The following GJA5 variants were observed in gnomAD, a reference collection of about 807,000 sequenced individuals.
GJA5 encodes gap junction alpha-5 protein.
GJA5 carries 3 observed loss-of-function variants against 7.9 expected under a neutral mutation model. That is an observed-to-expected ratio of 0.38 (90% CI 0.17 to 0.99). The LOEUF (loss-of-function observed/expected upper bound fraction) is 0.99, where lower values mean the gene tolerates loss of function less well. GJA5 is among the 50% of genes least tolerant of loss of function. GJA5 has a pLI of 0.38. For synonymous variants in GJA5, 193 were observed against 181.0 expected (o/e 1.07, Z -0.53); for missense variants, 390 against 457.9 (o/e 0.85, Z 1.35).
At chr1:147,772,708 G>C (rs1303270282) in intron 1 of GJA5, among the ~76,000 whole-genome samples, 3 of 149,164 alleles carry the variant, frequency 2.0e-5, no homozygotes, top group Non-Finnish European at 3.0e-5. Context: ...TCTCACATGT[G>C]GCCACTGCAC....
upstream of GJA5, among the ~76,000 whole-genome samples, chr1:147,763,726 T>A (rs1465395759): frequency 6.6e-6 from 1 of 152,242 alleles, no homozygotes; most frequent in Non-Finnish European, 1.5e-5. Context: ...ATAGTGAGCA[T>A]GAATCATTTT....
intron 1 of GJA5, among the ~76,000 whole-genome samples, chr1:147,770,448 T>C (rs587775878): frequency 6.6e-6 from 1 of 152,214 alleles, no homozygotes; most frequent in Non-Finnish European, 1.5e-5. Context: ...AAAAAAAATC[T>C]GTGGTCATAA....
In GJA5 at chr1:147,759,129, A is replaced by C. The variant is rs1553227090; in HGVS notation, c.110T>G (p.Leu37Arg). Residue 37 changes from leucine to arginine, a missense_variant, in exon 2 of 2, where the codon CTG (leucine) becomes CGG (arginine). Leu to Arg is a moderately radical substitution (Grantham distance 102). This residue lies in a region of GJA5 where 36 missense variants were observed against 87.1 expected (regional missense o/e 0.41). Transcript: ENST00000579774. ...TVLFIFRMLV[L>R]GTAAESSWGD... ...CCAGGAAGACTCAGCAGCTGTGCCC[A>C]GCACGAGCATACGGAATATGAAGAG... 1 of 1,613,264 alleles carries C rather than the reference A, an allele frequency of 6.2e-7. No homozygotes were observed. The highest frequency in any genetic ancestry group is 1.1e-5 in the South Asian group (1 of 91,018).
rs1476854402 is a variant in GJA5, at chr1:147,758,530, G to A, written c.709C>T (p.Arg237Ter). 1.9e-6 allele frequency: 3 copies of A among 1,613,840 alleles called. No homozygotes were observed. The highest frequency in any genetic ancestry group is 1.1e-5 in the South Asian group (1 of 91,078). ...ATGTGCTGCCGCGGTTTGACAAATCGCTGTCTGATCTTCTTCCAGCCCAGG... is the reference window on the plus strand; with the variant it reads ...ATGTGCTGCCGCGGTTTGACAAATCACTGTCTGATCTTCTTCCAGCCCAGG... ...YHLGWKKIRQRFVKPRQHMAK... is the reference protein window; with the variant it reads ...YHLGWKKIRQ The change falls in exon 2 of 2, where the codon CGA becomes TGA. Residue 237 changes from arginine (R) to a stop codon, truncating the protein, a stop_gained. Coordinates refer to ENST00000579774, the MANE Select transcript of GJA5 (RefSeq NM_181703.4). LOFTEE classifies it low-confidence loss of function (END_TRUNC).
chr1:147,768,943 G>A (rs1261753159), intron 1 of GJA5, among the ~76,000 whole-genome samples: 1 of 152,232 alleles, frequency 6.6e-6, no homozygotes, highest in African/African-American at 2.4e-5. Flanking sequence ...ACTGATAGAT[G>A]ATGATAAGCC....
In GJA5 at chr1:147,758,085, C is replaced by T; in HGVS notation, c.*77G>A. The T allele has an allele frequency of 1.0e-6, 1 of 974,734 alleles. No homozygotes were observed. The highest frequency in any genetic ancestry group is 1.7e-5 in the Admixed American group (1 of 59,068). 60.4% of individuals were successfully genotyped at this position (974,734 alleles called of 1,614,324 possible). A position where few individuals can be genotyped will look rare whatever the true frequency, so the allele number is the denominator to read the frequency against. ...AGCAGTGATGACAGTGAGAAAGCAT[C>T]AGTTCAGAAGGGACACGTCTTTCCT... On this transcript the variant is annotated 3_prime_UTR_variant, in exon 2 of 2. Transcript: ENST00000579774.
chr1:147,772,342 C>T (rs1664438932), intron 1 of GJA5, among the ~76,000 whole-genome samples: 1 of 152,174 alleles, frequency 6.6e-6, no homozygotes, highest in Admixed American at 6.5e-5. Context: ...TGTTGCGCCT[C>T]CCTTTTTCAG....
chr1:147,769,546 G>C (rs1028226043), intron 1 of GJA5, among the ~76,000 whole-genome samples: 1 of 152,150 alleles, frequency 6.6e-6, no homozygotes, highest in East Asian at 1.9e-4. Flanking sequence ...TTAGTTCCTT[G>C]TTTTCTTTTC....
Position 147,758,673 on chromosome 1 carries a change from G to C in GJA5, c.566C>G (p.Pro189Arg), listed in dbSNP as rs782415192. 2 of 1,614,036 alleles carry C rather than the reference G, an allele frequency of 1.2e-6. No individual in the cohort carries two copies. Among genetic ancestry groups the C allele is most frequent in the Non-Finnish European group, 1.7e-6 (2 of 1,180,020 alleles). ...LTTLHVCRRS[P>R]CPHPVNCYVS... ...GTAACAGTTGACCGGGTGGGGACAG[G>C]GACTCCTGCGGCAGACATGCAGGGT... Residue 189 changes from proline (P) to arginine (R), a missense_variant, in exon 2 of 2, where the codon CCC (proline) becomes CGC (arginine). Pro to Arg is a moderately radical substitution (Grantham distance 103, BLOSUM62 -2). Around this residue, in one of 2 missense-constraint regions of GJA5, gnomAD observed 354 missense variants for 370.9 expected, o/e 0.95. Transcript: ENST00000579774.
upstream of GJA5, among the ~76,000 whole-genome samples, chr1:147,761,748 A>G (rs587678790): frequency 1.3e-5 from 2 of 152,352 alleles, no homozygotes; most frequent in South Asian, 4.1e-4. Context: ...GCACATGTAC[A>G]GTGTTCAGCA....
At chr1:147,771,418 A>G (rs906456638) in intron 1 of GJA5, among the ~76,000 whole-genome samples, 1 of 152,104 alleles carries the variant, frequency 6.6e-6, no homozygotes, top group African/African-American at 2.4e-5. Flanking sequence ...GCCCTGACTC[A>G]CTGTGTCGTC....
chr1:147,764,302 A>G (rs1227678692), upstream of GJA5, among the ~76,000 whole-genome samples: 1 of 152,214 alleles, frequency 6.6e-6, no homozygotes, highest in African/African-American at 2.4e-5. Context: ...CAGAAGACTG[A>G]GCATCTGGTA....
upstream of GJA5, among the ~76,000 whole-genome samples, chr1:147,762,603 T>G (rs1163747495): frequency 6.6e-6 from 1 of 152,136 alleles, no homozygotes; most frequent in Admixed American, 6.5e-5. Flanking sequence ...GGTATAGGGG[T>G]GAGGCAGACC....
chr1:147,767,767 G>T (rs1271643639), intron 1 of GJA5, among the ~76,000 whole-genome samples: 1 of 152,040 alleles, frequency 6.6e-6, no homozygotes, highest in East Asian at 1.9e-4. Context: ...AGAGCTCCCA[G>T]CTCATCTGAC....
At chr1:147,763,494 A>G (rs1413462977), upstream of GJA5, among the ~76,000 whole-genome samples, 1 of 152,206 alleles carries the variant, frequency 6.6e-6, no homozygotes, top group African/African-American at 2.4e-5. Context: ...TGCCACTGAT[A>G]CAAGTTCTGA....
chr1:147,762,940 C>T (rs1664075117), upstream of GJA5, among the ~76,000 whole-genome samples: 1 of 152,196 alleles, frequency 6.6e-6, no homozygotes, highest in South Asian at 2.1e-4. Flanking sequence ...TGAATAAATG[C>T]TATCAAACAC....
upstream of GJA5, among the ~76,000 whole-genome samples, chr1:147,760,872 G>A (rs913076253): frequency 9.3e-5 from 14 of 150,278 alleles, no homozygotes; most frequent in Non-Finnish European, 1.9e-4. Context: ...CTCACTCACA[G>A]TGCTCCCATC....
In GJA5 at chr1:147,758,155, A is replaced by G. The variant is rs587726447; in HGVS notation, c.*7T>C. ...CCACCTGGTCCTGATCCTCCCATAA[A>G]GGAGGGTCACACTGATAGGTCATCT... On this transcript the variant is annotated 3_prime_UTR_variant, in exon 2 of 2. Coordinates refer to ENST00000579774, the MANE Select transcript of GJA5 (RefSeq NM_181703.4). 6.4e-7 allele frequency: 1 copy of G among 1,571,358 alleles called. No homozygotes were observed. Among genetic ancestry groups the G allele is most frequent in the East Asian group, 2.2e-5 (1 of 44,666 alleles).
intron 1 of GJA5, among the ~76,000 whole-genome samples, chr1:147,770,115 G>A (rs1192741215): frequency 1.3e-5 from 2 of 152,150 alleles, no homozygotes; most frequent in African/African-American, 2.4e-5. Context: ...CTCTCCTGAG[G>A]TTCTGAATCA....
Sources: gnomAD v4.1 joint callset for allele counts (sites outside exome capture counted in the v4.1 genomes callset) on GRCh38, gnomAD v4.1.1 for gene constraint, gnomAD v4.1.1 regional missense constraint, MANE v1.5 for transcripts, NCBI Gene and HGNC (gene_info 2026-07-23, HGNC 2026-07-21) for gene names.